The following BTN3A3 variants were observed in gnomAD, a reference collection of about 807,000 sequenced individuals.
The protein encoded by BTN3A3 is butyrophilin 3.
BTN3A3 carries 39 observed loss-of-function variants against 43.2 expected under a neutral mutation model. The observed-to-expected ratio is 0.90, with a 90% CI of 0.70 to 1.18. BTN3A3 has a LOEUF of 1.18. BTN3A3 is among the 50% of genes most tolerant of loss of function. BTN3A3 has a pLI of 0.00. For missense variants in BTN3A3, 631 were observed against 722.8 expected, an observed-to-expected ratio of 0.87 and a Z score of 1.46; for synonymous variants, 255 against 272.7, an observed-to-expected ratio of 0.93 and a Z score of 0.64.
rs759229775 is a variant in BTN3A3, at chr6:26,452,155, GAAT to G, written c.1500_1502del (p.Arg500_Ile501delinsSer). 1 of 1,614,020 alleles carries G rather than the reference GAAT, an allele frequency of 6.2e-7. No individual in the cohort carries two copies. Among genetic ancestry groups the G allele is most frequent in the East Asian group, 2.2e-5 (1 of 44,896 alleles). ...TCTGAGCCTCTATATCCTGTTTTCA[GAAT>G]TTTGACCTTGGAGCCCACTGCCCTG... On this transcript the variant is annotated inframe_deletion, in exon 11 of 11. Coordinates refer to ENST00000244519, the MANE Select transcript of BTN3A3 (RefSeq NM_006994.5).
At chr6:26,441,606 T>C (rs1762638759) in intron 1 of BTN3A3, among the ~76,000 whole-genome samples, 2 of 152,136 alleles carry the variant, frequency 1.3e-5, no homozygotes, top group Non-Finnish European at 2.9e-5. Flanking sequence ...TTTTTAAAGA[T>C]GCTTGCTGTA....
At position 26,452,552 on chromosome 6, in the gene BTN3A3, G is replaced by C; in HGVS notation, c.*141G>C. ...CATGACAAGTGAACAGCAGAGCTGG[G>C]ATCTAAACAGCAATAACTAACATTA... On this transcript the variant is annotated 3_prime_UTR_variant, in exon 11 of 11. Transcript: ENST00000244519. 1.4e-6 allele frequency: 1 copy of C among 706,538 alleles called. No homozygotes were observed. Among genetic ancestry groups the C allele is most frequent in the Non-Finnish European group, 2.3e-6 (1 of 437,108 alleles). The allele number at this position is 706,538 out of a possible 1,614,324, so 43.8% of individuals were successfully genotyped here.
In BTN3A3 at chr6:26,452,121, G is replaced by C; in HGVS notation, c.1465G>C (p.Ala489Pro). 1 of 1,614,058 alleles carries C rather than the reference G, an allele frequency of 6.2e-7. No individual in the cohort carries two copies. The highest frequency in any genetic ancestry group is 8.5e-7 in the Non-Finnish European group (1 of 1,180,022). Reference sequence around the variant, plus strand: ...ATCTCATATCTACACCTTTCCGCACGCCTCTTTCTCTGAGCCTCTATATCC... The same window carrying C: ...ATCTCATATCTACACCTTTCCGCACCCCTCTTTCTCTGAGCCTCTATATCC... Reference protein sequence around the residue: ...DGSHIYTFPHASFSEPLYPVF... With the variant: ...DGSHIYTFPHPSFSEPLYPVF... Residue 489 changes from alanine (A) to proline (P), a missense_variant, in exon 11 of 11, where the codon GCC becomes CCC. Physicochemically the swap from Ala to Pro is conservative, Grantham distance 27. Transcript: ENST00000244519.
Position 26,451,857 on chromosome 6 carries a change from G to A in BTN3A3, c.1201G>A (p.Val401Met). The A allele has an allele frequency of 6.2e-7, 1 of 1,614,212 alleles. No homozygotes were observed. The highest frequency in any genetic ancestry group is 1.1e-5 in the South Asian group (1 of 91,088). ...AGGGAGACATTACTGGGAGGTGGAA[G>A]TGGGGGACAGAAAAGAGTGGCATAT... The part of the protein sequence containing the change: ...TSGRHYWEVE[V>M]GDRKEWHIGV... The change falls in exon 11 of 11, where the codon GTG becomes ATG. Residue 401 changes from valine to methionine, a missense_variant. Val to Met is a conservative substitution (Grantham distance 21). Around this residue, in one of 2 missense-constraint regions of BTN3A3, gnomAD observed 551 missense variants for 584.0 expected, o/e 0.94. Coordinates refer to ENST00000244519, the MANE Select transcript of BTN3A3 (RefSeq NM_006994.5).
intron 1 of BTN3A3, 137 bp from the exon 2 acceptor site, chr6:26,443,245 A>C (rs55999571): frequency 0.11 from 32,304 of 282,306 alleles, 2,043 homozygotes; most frequent in Admixed American, 0.14. Flanking sequence ...AGGGTCCTTC[A>C]TGAATCAGAG....
At position 26,444,016 on chromosome 6, in the gene BTN3A3, G is replaced by A; in HGVS notation, c.145G>A (p.Asp49Asn). The A allele has an allele frequency of 1.9e-6, 3 of 1,613,980 alleles. No homozygotes were observed. Among genetic ancestry groups the A allele is most frequent in the Non-Finnish European group, 2.5e-6 (3 of 1,179,870 alleles). The change falls in exon 4 of 11, where the codon GAT (aspartate) becomes AAT (asparagine). Residue 49 changes from aspartate (D) to asparagine (N), a missense_variant. Coordinates refer to ENST00000244519, the MANE Select transcript of BTN3A3 (RefSeq NM_006994.5). ...CCTGGCCATGGTGGGTGAAGACGCT[G>A]ATCTGCCCTGTCACCTGTTCCCGAC... ...PILAMVGEDA[D>N]LPCHLFPTMS...
At chr6:26,449,581 G>T in intron 8 of BTN3A3, 81 bp from the exon 9 acceptor site, 1 of 1,495,222 alleles carries the variant, frequency 6.7e-7, no homozygotes, top group Non-Finnish European at 9.3e-7. Context: ...AGAAAGTCTA[G>T]ATGGATGCGA....
chr6:26,443,933 G>A (rs766439991), intron 3 of BTN3A3, 24 bp from the exon 4 acceptor site: 74 of 1,613,674 alleles, frequency 4.6e-5, no homozygotes, highest in Non-Finnish European at 4.2e-5. Context: ...ACCCTCTGAT[G>A]GAGCTTCCCC....
intron 5 of BTN3A3, among the ~76,000 whole-genome samples, chr6:26,446,546 A>G (rs949339808): frequency 6.6e-6 from 1 of 152,216 alleles, no homozygotes; most frequent in Non-Finnish European, 1.5e-5. Context: ...GCAGGAGTGT[A>G]GGAAGGCAGT....
In BTN3A3 at chr6:26,444,428, C is replaced by G. The variant is rs1371937394; in HGVS notation, c.433+124C>G. On this transcript the variant is annotated intron_variant, in intron 4 of 10. Coordinates refer to ENST00000244519, the MANE Select transcript of BTN3A3 (RefSeq NM_006994.5). The stretch of plus-strand genomic sequence containing the variant: ...CACTAGCAATTGTCTGCACTGCCTC[C>G]CAACTTAGCTTCTCTGCAACCCTTA... 18 of 1,465,876 alleles carry G rather than the reference C, an allele frequency of 1.2e-5. No individual in the cohort carries two copies. In the Admixed American group the frequency reaches 2.8e-4, roughly 23 times the overall value. The allele number at this position is 1,465,876 out of a possible 1,614,324, so 90.8% of individuals were successfully genotyped here. A position where few individuals can be genotyped will look rare whatever the true frequency, so the allele number is the denominator to read the frequency against.
At position 26,448,628 on chromosome 6, in the gene BTN3A3, GAGGAACTCAGT is replaced by G. The variant is rs1561863054; in HGVS notation, c.930_937+3del. On this transcript the variant is annotated splice_donor_variant and coding_sequence_variant, in exon 7 of 11. Transcript: ENST00000244519. LOFTEE classifies it high-confidence loss of function. ...TGCTTATTTTCCAGAGAAGCTCCAGGAGGAACTCAGTAAGTTCCCATTCCCCAGGAGACCCA... is the reference window on the plus strand; with the variant it reads ...TGCTTATTTTCCAGAGAAGCTCCAGGAAGTTCCCATTCCCCAGGAGACCCA... 1.2e-6 allele frequency: 2 copies of G among 1,613,570 alleles called. No homozygotes were observed. The highest frequency in any genetic ancestry group is 1.7e-6 in the Non-Finnish European group (2 of 1,179,952).
chr6:26,446,160 G>T (rs556808322), intron 5 of BTN3A3, among the ~76,000 whole-genome samples, 175 bp downstream of exon 5: 5 of 152,154 alleles, frequency 3.3e-5, no homozygotes, highest in Admixed American at 6.5e-5. Flanking sequence ...GCTTCCCCAC[G>T]CCACAAAGCT....
chr6:26,446,077 G>A (rs1240497259), intron 5 of BTN3A3, 92 bp downstream of exon 5: 20 of 1,555,842 alleles, frequency 1.3e-5, no homozygotes, highest in Middle Eastern at 1.7e-4. Flanking sequence ...GAGTCTCTGC[G>A]GTCAACCTGG....
At position 26,445,968 on chromosome 6, in the gene BTN3A3, C is replaced by T; in HGVS notation, c.698C>T (p.Ala233Val). 1 of 1,614,164 alleles carries T rather than the reference C, an allele frequency of 6.2e-7. No individual in the cohort carries two copies. The highest frequency in any genetic ancestry group is 8.5e-7 in the Non-Finnish European group (1 of 1,180,014). The change falls in exon 5 of 11, where the codon GCC (alanine) becomes GTC (valine). Residue 233 changes from alanine to valine, a missense_variant. By Grantham distance (64) the Ala-to-Val change is moderately conservative. Coordinates refer to ENST00000244519, the MANE Select transcript of BTN3A3 (RefSeq NM_006994.5). ...RNSLLGLEKT[A>V]SISIADPFFR... ...TCCCTCCTCGGCCTGGAAAAGACAG[C>T]CAGCATATCCATCGCAGGTCAGTAC...
intron 5 of BTN3A3, among the ~76,000 whole-genome samples, chr6:26,446,321 T>C (rs1762777772): frequency 2.0e-5 from 3 of 152,114 alleles, no homozygotes; most frequent in Admixed American, 6.5e-5. Flanking sequence ...TACAAACTCA[T>C]AGAGAAAGAG....
intron 4 of BTN3A3, chr6:26,444,543 A>G: frequency 1.6e-6 from 1 of 638,782 alleles, no homozygotes; most frequent in South Asian, 2.0e-5. Context: ...CCAGAGATAT[A>G]AGGGAAATGA....
chr6:26,447,655 A>G (rs938312451), intron 5 of BTN3A3, among the ~76,000 whole-genome samples: 1 of 152,184 alleles, frequency 6.6e-6, no homozygotes, highest in African/African-American at 2.4e-5. Flanking sequence ...GACCCACTGC[A>G]GCCCATTAGG....
intron 5 of BTN3A3, among the ~76,000 whole-genome samples, chr6:26,446,351 A>G (rs1244014494): frequency 6.6e-6 from 1 of 152,250 alleles, no homozygotes; most frequent in Admixed American, 6.5e-5. Flanking sequence ...TTGAAACAGA[A>G]GAGTTTGAAA....
intron 4 of BTN3A3, chr6:26,445,472 C>T (rs1762750897): frequency 1.7e-6 from 1 of 574,548 alleles, no homozygotes. Flanking sequence ...GGAACAGATC[C>T]CTCTCCTCCT....
Sources: allele counts gnomAD v4.1 joint callset (sites outside exome capture counted in the v4.1 genomes callset), GRCh38; gene constraint gnomAD v4.1.1; regional missense constraint gnomAD v4.1.1; transcripts MANE v1.5; gene names NCBI Gene and HGNC (gene_info 2026-07-23, HGNC 2026-07-21).